The following TMTC2 variants were observed in gnomAD, a reference collection of about 807,000 sequenced individuals.
The protein encoded by TMTC2 is transmembrane O-mannosyltransferase targeting cadherins 2, also known as protein O-mannosyl-transferase TMTC2.
Under a neutral mutation model 82.4 loss-of-function variants are expected in TMTC2, and 43 were observed. The observed-to-expected ratio is 0.52, with a 90% confidence interval of 0.41 to 0.67. TMTC2 has a LOEUF of 0.67. TMTC2 is among the 30% of genes least tolerant of loss of function. The pLI, the probability that TMTC2 is intolerant of heterozygous loss-of-function variation, is 0.00. For synonymous variants in TMTC2, 408 were observed against 381.9 expected, an observed-to-expected ratio of 1.07 and a Z score of -0.80; for missense variants, 919 against 1,012.4, an observed-to-expected ratio of 0.91 and a Z score of 1.25.
intron 1 of TMTC2, among the ~76,000 whole-genome samples, chr12:82,839,385 A>G (rs563126235): frequency 5.9e-5 from 9 of 152,208 alleles, no homozygotes; most frequent in South Asian, 4.1e-4. Context: ...TCCACAGGTG[A>G]TCAGATTTCT....
In TMTC2 at chr12:83,109,736, A is replaced by T. The variant is rs943938354; in HGVS notation, c.2332-22474A>T. 3.3e-5 allele frequency among the ~76,000 whole-genome samples: 5 copies of T among 152,140 alleles called. No homozygotes were observed. The South Asian group carries it at 1.0e-3, about 31-fold the overall frequency. On this transcript the variant is annotated intron_variant, in intron 11 of 11. Coordinates refer to ENST00000321196, the MANE Select transcript of TMTC2 (RefSeq NM_152588.3). ...ATTATAATTGCTCTCTTACCTATAT[A>T]ACCTCTACTCCTTTGCCTCTTTTTG...
At chr12:83,108,944 T>G (rs748568602) in intron 11 of TMTC2, among the ~76,000 whole-genome samples, 6 of 152,226 alleles carry the variant, frequency 3.9e-5, no homozygotes, top group Admixed American at 2.6e-4. Flanking sequence ...CTAATATCAG[T>G]CACTTTCTTT....
intron 1 of TMTC2, chr12:82,759,608 T>G (rs2136977547): frequency 6.6e-6 from 1 of 152,322 alleles, no homozygotes; most frequent in East Asian, 1.9e-4. Context: ...GATTGTTACC[T>G]TATAAACTTT....
At chr12:82,763,115 A>G (rs1244958840) in intron 1 of TMTC2, among the ~76,000 whole-genome samples, 1 of 152,166 alleles carries the variant, frequency 6.6e-6, no homozygotes, top group Non-Finnish European at 1.5e-5. Context: ...TGAGACACAA[A>G]TTTAAAATAA....
intron 7 of TMTC2, among the ~76,000 whole-genome samples, chr12:82,977,296 A>G (rs1878715200): frequency 6.6e-6 from 1 of 152,002 alleles, no homozygotes; most frequent in South Asian, 2.1e-4. Flanking sequence ...TAGCCAAGAA[A>G]GTCTTAATGA....
intron 1 of TMTC2, among the ~76,000 whole-genome samples, chr12:82,739,688 A>G (rs116476079): frequency 0.013 from 2,032 of 151,160 alleles, 46 homozygotes; most frequent in African/African-American, 0.047. Flanking sequence ...CCAGACGTCT[A>G]AGTGAGTTGA....
intron 11 of TMTC2, among the ~76,000 whole-genome samples, chr12:83,129,052 T>C (rs947509931): frequency 1.3e-5 from 2 of 152,194 alleles, no homozygotes; most frequent in African/African-American, 2.4e-5. Flanking sequence ...TTTCCTTCAC[T>C]CAAGAAGTTA....
At chr12:82,842,201 C>G (rs969412054) in intron 1 of TMTC2, among the ~76,000 whole-genome samples, 1 of 152,116 alleles carries the variant, frequency 6.6e-6, no homozygotes, top group Non-Finnish European at 1.5e-5. Context: ...CTTCAGTTTT[C>G]TAGTTTGTAG....
intron 3 of TMTC2, among the ~76,000 whole-genome samples, chr12:82,910,769 G>T (rs995385954): frequency 2.6e-5 from 4 of 152,150 alleles, no homozygotes; most frequent in Non-Finnish European, 5.9e-5. Flanking sequence ...CTTCTGGTAT[G>T]CCCCTGTCTG....
chr12:82,870,760 C>T (rs542584081), intron 2 of TMTC2, among the ~76,000 whole-genome samples: 1 of 152,242 alleles, frequency 6.6e-6, no homozygotes, highest in East Asian at 1.9e-4. Context: ...TTGCTGGCAA[C>T]CCTAATGTAA....
At chr12:83,110,334 C>T (rs192620542) in intron 11 of TMTC2, among the ~76,000 whole-genome samples, 17 of 152,238 alleles carry the variant, frequency 1.1e-4, no homozygotes, top group African/African-American at 4.1e-4. Context: ...CAAATGTTTC[C>T]TCTCTGCCAG....
chr12:82,963,849 A>ATATATATG (rs1565830379), intron 4 of TMTC2, among the ~76,000 whole-genome samples: 1 of 105,172 alleles, frequency 9.5e-6, no homozygotes, highest in Non-Finnish European at 2.0e-5. Flanking sequence ...ATATATATAT[A>ATATATATG]TGTGAAAGTG....
intron 11 of TMTC2, among the ~76,000 whole-genome samples, chr12:83,078,610 T>C (rs1255156543): frequency 6.6e-6 from 1 of 152,182 alleles, no homozygotes; most frequent in Non-Finnish European, 1.5e-5. Context: ...TTGTAAGTAA[T>C]AGTGAACCTG....
chr12:82,737,385 C>T (rs184501473), intron 1 of TMTC2, among the ~76,000 whole-genome samples: 46 of 152,154 alleles, frequency 3.0e-4, no homozygotes, highest in Admixed American at 7.9e-4. Flanking sequence ...AAAATTGTTA[C>T]GTGCAGCACT....
At chr12:83,052,113 T>C (rs1337514054) in intron 10 of TMTC2, among the ~76,000 whole-genome samples, 1 of 152,018 alleles carries the variant, frequency 6.6e-6, no homozygotes, top group Non-Finnish European at 1.5e-5. Context: ...CTTCCAGGGA[T>C]AGATTTATAA....
At chr12:82,853,184 C>T (rs1426289542) in intron 1 of TMTC2, among the ~76,000 whole-genome samples, 1 of 151,860 alleles carries the variant, frequency 6.6e-6, no homozygotes, top group African/African-American at 2.4e-5. Context: ...CTCACTGCAA[C>T]CTCCACCTCG....
intron 1 of TMTC2, among the ~76,000 whole-genome samples, chr12:82,694,551 G>A (rs1488865510): frequency 6.6e-6 from 1 of 152,144 alleles, no homozygotes; most frequent in Admixed American, 6.5e-5. Context: ...GGCATTTTGT[G>A]ATGTTGCAGT....
intron 3 of TMTC2, among the ~76,000 whole-genome samples, chr12:82,924,178 TGA>T (rs1259929172): frequency 6.6e-6 from 1 of 152,176 alleles, no homozygotes; most frequent in African/African-American, 2.4e-5. Context: ...CTTCTTGCGC[TGA>T]GAGAGAACAG....
rs556302827 is a variant in TMTC2 at position 83,133,608 on chromosome 12, A to C, written c.*1219A>C. 6.6e-6 allele frequency: 1 copy of C among 152,340 alleles called. No homozygotes were observed. The highest frequency in any genetic ancestry group is 1.5e-5 in the Non-Finnish European group (1 of 68,030). The allele number at this position is 152,340 out of a possible 1,614,324, so 9.4% of individuals were successfully genotyped here. ...TCTCAGTTGAAAACTATTTTTCACT[A>C]GCAAAATTGGTATTTTATTTCATTA... On this transcript the variant is annotated 3_prime_UTR_variant, in exon 12 of 12. Coordinates refer to ENST00000321196, the MANE Select transcript of TMTC2 (RefSeq NM_152588.3).
Sources: allele counts gnomAD v4.1 joint callset (sites outside exome capture counted in the v4.1 genomes callset), GRCh38; gene constraint gnomAD v4.1.1; transcripts MANE v1.5; gene names NCBI Gene and HGNC (gene_info 2026-07-23, HGNC 2026-07-21).